The following EOLA1 variants were observed in gnomAD, a reference collection of about 807,000 sequenced individuals.
EOLA1 encodes the protein protein EOLA1.
Under a neutral mutation model 4.5 loss-of-function variants are expected in EOLA1, and 1 was observed. That is an observed-to-expected ratio of 0.22 (90% CI 0.08 to 1.05). The LOEUF (loss-of-function observed/expected upper bound fraction) is 1.05. Among genes scored for constraint, EOLA1 ranks in the 50% least tolerant of loss-of-function variants. The pLI is 0.57. For missense variants in EOLA1, 69 were observed against 127.2 expected, an observed-to-expected ratio of 0.54 and a Z score of 2.20; for synonymous variants, 37 against 52.3, an observed-to-expected ratio of 0.71 and a Z score of 1.26.
rs1247745603 is a variant in EOLA1 at position 149,545,597 on chromosome X, C to T, written c.-29-5C>T. On this transcript the variant is annotated splice_polypyrimidine_tract_variant and splice_region_variant and intron_variant, in intron 3 of 4. Transcript: ENST00000393985. ...GGCGTGTGATGCGCTTCTGTGCTTC[C>T]GCAGGCTACGGGAGGCCCGGGGCGC... is the stretch of plus-strand genomic sequence containing the variant. 10 of 1,193,886 alleles carry T rather than the reference C, an allele frequency of 8.4e-6. No homozygotes were observed. Among genetic ancestry groups the T allele is most frequent in the Admixed American group, 4.4e-5 (2 of 45,316 alleles).
At chrX:149,544,733 A>C (rs1480593685) in intron 2 of EOLA1, 47 of 750,465 alleles carry the variant, frequency 6.3e-5, no homozygotes, top group Non-Finnish European at 7.2e-5. Context: ...GAGTTGTGGG[A>C]AGTCAGAGCC....
In EOLA1 at chrX:149,544,386, G is replaced by A. The variant is rs782399377; in HGVS notation, c.-162-982G>A. On this transcript the variant is annotated intron_variant, in intron 2 of 4. Transcript: ENST00000393985. Reference sequence around the variant, plus strand: ...GTATATTTTCTTAAAATCATAGAGCGTACTAGAGGTTGCGTTTATGTGTTG... The same window carrying A: ...GTATATTTTCTTAAAATCATAGAGCATACTAGAGGTTGCGTTTATGTGTTG... 100 of 165,567 alleles carry A rather than the reference G, an allele frequency of 6.0e-4. 2 individuals are homozygous for A. The highest frequency in any genetic ancestry group is 3.1e-3 in the African/African-American group (77 of 25,148). 13.6% of individuals were successfully genotyped at this position (165,567 alleles called of 1,213,427 possible).
intron 2 of EOLA1, among the ~76,000 whole-genome samples, chrX:149,542,322 G>A (rs1257097752): frequency 1.8e-5 from 2 of 110,728 alleles, no homozygotes; most frequent in Non-Finnish European, 3.8e-5. Context: ...CAGAACCAAG[G>A]AACCTGGTTA....
At position 149,541,766 on chromosome X, in the gene EOLA1, A is replaced by G. The variant is rs781851219; in HGVS notation, c.-229-253A>G. 1.6e-4 allele frequency: 122 copies of G among 754,548 alleles called. No individual in the cohort carries two copies. The African/African-American group carries it at 2.0e-3, about 13-fold the overall frequency. 62.2% of individuals were successfully genotyped at this position (754,548 alleles called of 1,213,427 possible). ...CTTGGCTGCAAGAATGCTGCTCAAC[A>G]TGGTGAAATGATTTTCTGCCCTGCG... On this transcript the variant is annotated intron_variant, in intron 1 of 4. Coordinates refer to ENST00000393985, the MANE Select transcript of EOLA1 (RefSeq NM_001171907.3).
At chrX:149,544,732 G>T (rs1175498465) in intron 2 of EOLA1, 62 of 750,670 alleles carry the variant, frequency 8.3e-5, no homozygotes, top group Non-Finnish European at 8.9e-5. Context: ...AGAGTTGTGG[G>T]AAGTCAGAGC....
chrX:149,549,703 C>T, downstream of EOLA1: 1 of 620,424 alleles, frequency 1.6e-6, no homozygotes. Flanking sequence ...GATCTTGGCT[C>T]ATGGCTTGGT....
intron 2 of EOLA1, chrX:149,545,120 G>A: frequency 1.9e-6 from 1 of 524,598 alleles, no homozygotes; most frequent in East Asian, 1.7e-4. Flanking sequence ...TGGAGTAGGA[G>A]CTGGGAAGGT....
At chrX:149,549,401 G>C (rs1474676814), downstream of EOLA1, 33 of 1,163,409 alleles carry the variant, frequency 2.8e-5, no homozygotes, top group Non-Finnish European at 3.4e-5. Context: ...AGAGTTGCTT[G>C]GGCGTGTTTT....
At chrX:149,549,310 C>T (rs1365236703), downstream of EOLA1, 13 of 1,115,845 alleles carry the variant, frequency 1.2e-5, no homozygotes, top group Admixed American at 2.9e-4. Flanking sequence ...AAATTGGTGT[C>T]CTATGAAGAT....
rs147630805 is a variant in EOLA1 at position 149,545,717 on chromosome X, C to T, written c.87C>T (p.Pro29=). The T allele has an allele frequency of 8.3e-4, 999 of 1,209,693 alleles. 4 individuals are homozygous for T. The African/African-American group carries it at 0.013, about 16-fold the overall frequency. The change falls in exon 4 of 5, where the codon CCC becomes CCT. Residue 29 remains proline, a synonymous_variant. Coordinates refer to ENST00000393985, the MANE Select transcript of EOLA1 (RefSeq NM_001171907.3). ...GIKTVETRWR[P]LLSSQRNCTI... is the part of the protein sequence containing the mutation. Reference sequence around the variant, plus strand: ...AGACTGTGGAGACGCGCTGGCGTCCCCTGCTGAGCAGCCAGCGGAACTGTA... The same window carrying T: ...AGACTGTGGAGACGCGCTGGCGTCCTCTGCTGAGCAGCCAGCGGAACTGTA...
intron 4 of EOLA1, 111 bp downstream of exon 4, chrX:149,545,994 A>T (rs1336183045): frequency 1.1e-6 from 1 of 874,648 alleles, no homozygotes; most frequent in Non-Finnish European, 1.6e-6. Context: ...CGTGTATAAC[A>T]CAGTTTCCTT....
At chrX:149,541,825 G>C in intron 1 of EOLA1, 194 bp from the exon 2 acceptor site, 4 of 745,711 alleles carry the variant, frequency 5.4e-6, no homozygotes, top group Middle Eastern at 4.0e-4. Flanking sequence ...GACCCAGACA[G>C]GTGCGGAGGG....
At position 149,545,584 on chromosome X, in the gene EOLA1, G is replaced by C. The variant is rs368932248; in HGVS notation, c.-29-18G>C. On this transcript the variant is annotated intron_variant, in intron 3 of 4. Coordinates refer to ENST00000393985, the MANE Select transcript of EOLA1 (RefSeq NM_001171907.3). ...AGCTTGGAGGGCTGGCGTGTGATGC[G>C]CTTCTGTGCTTCCGCAGGCTACGGG... 8.4e-7 allele frequency: 1 copy of C among 1,189,933 alleles called. No homozygotes were observed. Among genetic ancestry groups the C allele is most frequent in the Middle Eastern group, 2.4e-4 (1 of 4,245 alleles).
chrX:149,544,767 C>G, intron 2 of EOLA1: 1 of 746,967 alleles, frequency 1.3e-6, no homozygotes, highest in Non-Finnish European at 1.6e-6. Flanking sequence ...GCTGGTGCCT[C>G]ATTCTCCTCA....
In EOLA1 at chrX:149,542,064, C is replaced by T; in HGVS notation, c.-184C>T. The T allele has an allele frequency of 1.3e-6, 1 of 749,575 alleles. No individual in the cohort carries two copies. Among genetic ancestry groups the T allele is most frequent in the Non-Finnish European group, 1.6e-6 (1 of 633,390 alleles). The allele number at this position is 749,575 out of a possible 1,213,427, so 61.8% of individuals were successfully genotyped here. A position where few individuals can be genotyped will look rare whatever the true frequency, so the allele number is the denominator to read the frequency against. On this transcript the variant is annotated 5_prime_UTR_variant, in exon 2 of 5. The change creates a premature stop within an existing upstream ORF in the 5' untranslated region. Coordinates refer to ENST00000393985, the MANE Select transcript of EOLA1 (RefSeq NM_001171907.3). ...AGTGTTTCCTCCTCTGGCCGTAAAGCAGGTACTCTCTGCAGCACCAGGTAG... is the reference window on the plus strand; with the variant it reads ...AGTGTTTCCTCCTCTGGCCGTAAAGTAGGTACTCTCTGCAGCACCAGGTAG...
downstream of EOLA1, chrX:149,549,245 A>G (rs2089894718): frequency 9.4e-7 from 1 of 1,066,641 alleles, no homozygotes; most frequent in South Asian, 2.5e-5. Context: ...AATAAACAAT[A>G]TTTCACATTT....
intron 4 of EOLA1, among the ~76,000 whole-genome samples, 153 bp downstream of exon 4, chrX:149,546,036 C>A (rs782480111): frequency 3.0e-4 from 33 of 109,428 alleles, no homozygotes; most frequent in Middle Eastern, 9.4e-3. Context: ...GCGGCAAGGA[C>A]CTTGGGCTGG....
chrX:149,544,848 GA>G (rs1202267768), intron 2 of EOLA1: 1 of 752,474 alleles, frequency 1.3e-6, no homozygotes, highest in Non-Finnish European at 1.6e-6. Flanking sequence ...ATGATCCGAG[GA>G]TCATGCCATC....
chrX:149,545,640 G>C lies in EOLA1; in HGVS notation c.10G>C (p.Gly4Arg). The stretch of plus-strand genomic sequence containing the variant: ...CGGGGCGCTTGCGAAGATGAAGTTT[G>C]GCTGCCTCTCCTTCCGGCAGCCTTA... MKF[G>R]CLSFRQPYAG... Residue 4 changes from glycine (G) to arginine (R), a missense_variant, in exon 4 of 5, where the codon GGC becomes CGC. By Grantham distance (125) the Gly-to-Arg change is moderately radical. Coordinates refer to ENST00000393985, the MANE Select transcript of EOLA1 (RefSeq NM_001171907.3). 4 of 1,206,433 alleles carry C rather than the reference G, an allele frequency of 3.3e-6. No individual in the cohort carries two copies. Among genetic ancestry groups the C allele is most frequent in the Non-Finnish European group, 3.4e-6 (3 of 890,748 alleles).
Sources: gnomAD v4.1 joint callset for allele counts (sites outside exome capture counted in the v4.1 genomes callset) on GRCh38, gnomAD v4.1.1 for gene constraint, MANE v1.5 for transcripts, NCBI Gene and HGNC (gene_info 2026-07-23, HGNC 2026-07-21) for gene names.